AGBL3: variants seen among roughly 807,000 people sequenced by gnomAD.
The protein encoded by AGBL3 is cytosolic carboxypeptidase 3.
AGBL3 carries 68 observed loss-of-function variants against 94.5 expected under a neutral mutation model. That is an observed-to-expected ratio of 0.72 (90% confidence interval 0.59 to 0.88). The LOEUF is 0.88. Among genes scored for constraint, AGBL3 ranks in the 40% least tolerant of loss-of-function variants. The pLI is 0.00. For synonymous variants in AGBL3, 354 were observed against 370.7 expected, an observed-to-expected ratio of 0.95 and a Z score of 0.52; for missense variants, 934 against 1,103.8, an observed-to-expected ratio of 0.85 and a Z score of 2.18.
At chr7:135,105,409 A>C (rs926214085) in intron 15 of AGBL3, among the ~76,000 whole-genome samples, 3 of 152,162 alleles carry the variant, frequency 2.0e-5, no homozygotes, top group Non-Finnish European at 2.9e-5. Flanking sequence ...TGATTTTTGT[A>C]TATGGTGTAA....
intron 15 of AGBL3, 85 bp downstream of exon 15, chr7:135,081,875 G>A (rs771144864): frequency 2.3e-5 from 20 of 870,408 alleles, no homozygotes; most frequent in Non-Finnish European, 2.7e-5. Flanking sequence ...GAAATACACA[G>A]GGGAAACAGT....
Position 135,037,585 on chromosome 7 carries a change from G to C in AGBL3, c.1500+5G>C. The C allele has an allele frequency of 9.1e-6, 14 of 1,534,048 alleles. No homozygotes were observed. Among genetic ancestry groups the C allele is most frequent in the Non-Finnish European group, 1.1e-5 (13 of 1,139,710 alleles). ...AGCAAAAATTGTCCAGATAAAGTAA[G>C]CACCTTTTAAGGTATTAACTTTTCC... On this transcript the variant is annotated splice_donor_5th_base_variant and intron_variant, in intron 8 of 16. Transcript: ENST00000436302.
At chr7:135,108,504 T>A (rs1433198629) in intron 15 of AGBL3, among the ~76,000 whole-genome samples, 1 of 152,296 alleles carries the variant, frequency 6.6e-6, no homozygotes, top group Admixed American at 6.5e-5. Context: ...GGTTCAAAAT[T>A]TTTTTCTTTA....
chr7:135,068,118 C>A (rs1172694889), intron 12 of AGBL3, among the ~76,000 whole-genome samples: 1 of 152,098 alleles, frequency 6.6e-6, no homozygotes, highest in Non-Finnish European at 1.5e-5. Context: ...ATTCGATCAA[C>A]TGGAAGAAAG....
chr7:135,037,629 T>G (rs1304631672), intron 8 of AGBL3, 49 bp downstream of exon 8: 3 of 1,441,024 alleles, frequency 2.1e-6, no homozygotes, highest in South Asian at 2.9e-5. Flanking sequence ...ATGTTGCCCA[T>G]GTGAGATAGC....
At chr7:135,060,364 AT>A (rs1431967243) in intron 12 of AGBL3, among the ~76,000 whole-genome samples, 1 of 152,238 alleles carries the variant, frequency 6.6e-6, no homozygotes, top group African/African-American at 2.4e-5. Flanking sequence ...GCTAATTAAT[AT>A]ATTCATTACC....
chr7:135,121,066 G>A (rs1329850773), intron 16 of AGBL3, among the ~76,000 whole-genome samples: 1 of 152,270 alleles, frequency 6.6e-6, no homozygotes, highest in Admixed American at 6.5e-5. Context: ...TTAGCCGGGT[G>A]TGGTGTCTCA....
intron 4 of AGBL3, among the ~76,000 whole-genome samples, chr7:135,008,497 C>T (rs1280277648): frequency 6.6e-6 from 1 of 151,864 alleles, no homozygotes; most frequent in Non-Finnish European, 1.5e-5. Context: ...CAAAATGGAT[C>T]AAGATCTAAC....
At chr7:135,091,000 C>T (rs547150677) in intron 15 of AGBL3, among the ~76,000 whole-genome samples, 2 of 152,268 alleles carry the variant, frequency 1.3e-5, no homozygotes, top group Admixed American at 1.3e-4. Context: ...GCTCCTTCAG[C>T]TGTGAGGAAG....
At chr7:135,117,902 C>T (rs1048787404) in intron 16 of AGBL3, among the ~76,000 whole-genome samples, 2 of 152,170 alleles carry the variant, frequency 1.3e-5, no homozygotes, top group African/African-American at 4.8e-5. Flanking sequence ...GATTATCTTT[C>T]TCTATACTTT....
intron 1 of AGBL3, 26 bp from the exon 2 acceptor site, chr7:134,987,849 G>C (rs1809668780): frequency 1.0e-6 from 1 of 986,090 alleles, no homozygotes; most frequent in Non-Finnish European, 1.5e-6. Context: ...AGCTTGAAAA[G>C]AAAAGCTGTC....
Position 135,096,398 on chromosome 7 carries a change from G to A in AGBL3, c.2110+14608G>A, listed in dbSNP as rs542096156. Among the ~76,000 whole-genome samples, 5 of 138,260 alleles carry A rather than the reference G, an allele frequency of 3.6e-5. No individual in the cohort carries two copies. The East Asian group carries it at 1.3e-3, about 36-fold the overall frequency. The allele number at this position is 138,260 out of a possible 152,430, so 90.7% of individuals were successfully genotyped here. ...GACAGACAGAGAAGGAAGGAAGGGA[G>A]GGAGGGAGGAAGGAAGGAAAGAAAG... On this transcript the variant is annotated intron_variant, in intron 15 of 16. Coordinates refer to ENST00000436302, the MANE Select transcript of AGBL3 (RefSeq NM_178563.4).
intron 15 of AGBL3, among the ~76,000 whole-genome samples, chr7:135,102,756 T>C (rs903606359): frequency 6.6e-6 from 1 of 151,036 alleles, no homozygotes; most frequent in Non-Finnish European, 1.5e-5. Flanking sequence ...TCTTACACCA[T>C]AGCAAAAAAA....
intron 4 of AGBL3, among the ~76,000 whole-genome samples, chr7:135,007,666 T>A (rs1251245780): frequency 6.6e-6 from 1 of 151,826 alleles, no homozygotes; most frequent in Non-Finnish European, 1.5e-5. Context: ...CTAGCCAGGG[T>A]AATTAGACAG....
chr7:135,045,831 G>A lies in AGBL3; in HGVS notation c.1761G>A (p.Met587Ile). 6.4e-7 allele frequency: 1 copy of A among 1,550,578 alleles called. No homozygotes were observed. The highest frequency in any genetic ancestry group is 1.2e-5 in the South Asian group (1 of 83,958). Residue 587 changes from methionine to isoleucine, a missense_variant, in exon 11 of 17, where the codon ATG (methionine) becomes ATA (isoleucine). Physicochemically the swap from Met to Ile is conservative, Grantham distance 10. Around this residue, in one of 3 missense-constraint regions of AGBL3, gnomAD observed 441 missense variants for 518.2 expected, o/e 0.85. Transcript: ENST00000436302. ...GGTGCCTGAAAGAATTAGAAGAAAT[G>A]GAAAGACATATAACCCTGGAAAAAG... ...YYRCLKELEEMERHITLEKVF... is the reference protein window; with the variant it reads ...YYRCLKELEEIERHITLEKVF...
At chr7:135,015,845 T>A (rs1389394551) in intron 4 of AGBL3, among the ~76,000 whole-genome samples, 17 of 114,538 alleles carry the variant, frequency 1.5e-4, no homozygotes, top group Admixed American at 1.5e-3. Flanking sequence ...AAACCCCGTC[T>A]CTACTAAAAA....
chr7:134,987,772 A>G (rs1809658576), intron 1 of AGBL3, 103 bp from the exon 2 acceptor site: 2 of 567,774 alleles, frequency 3.5e-6, no homozygotes, highest in Non-Finnish European at 3.1e-6. Context: ...TTTAGAGAAG[A>G]CTGTTGTGAC....
intron 8 of AGBL3, among the ~76,000 whole-genome samples, chr7:135,038,266 CA>C (rs35936262): frequency 0.49 from 73,988 of 151,724 alleles, 18,388 homozygotes; most frequent in South Asian, 0.66. Context: ...AATTGGGGCC[CA>C]AAGACATAAA....
chr7:135,082,055 C>A (rs4433071), intron 15 of AGBL3, among the ~76,000 whole-genome samples: 3 of 152,176 alleles, frequency 2.0e-5, no homozygotes, highest in African/African-American at 7.2e-5. Flanking sequence ...AGGCCCCAGG[C>A]TCATCCAACC....
Sources: allele counts gnomAD v4.1 joint callset (sites outside exome capture counted in the v4.1 genomes callset), GRCh38; gene constraint gnomAD v4.1.1; regional missense constraint gnomAD v4.1.1; transcripts MANE v1.5; gene names NCBI Gene and HGNC (gene_info 2026-07-23, HGNC 2026-07-21).